Variants in CNTN5 observed in about 807,000 individuals in gnomAD.
CNTN5 encodes the protein contactin 5.
In CNTN5, 77 loss-of-function variants were observed where a neutral mutation model predicts 129.1. The ratio of observed to expected loss-of-function variants is 0.60; its 90% CI spans 0.50 to 0.72. CNTN5 has a LOEUF of 0.72. CNTN5 is among the 30% of genes least tolerant of loss of function. The pLI is 0.00. For missense variants in CNTN5, 1,478 were observed against 1,328.8 expected (o/e 1.11, Z -1.75); for synonymous variants, 509 against 465.6 (o/e 1.09, Z -1.20).
intron 1 of CNTN5, among the ~76,000 whole-genome samples, chr11:99,169,606 A>T (rs1420115770): frequency 1.3e-5 from 2 of 152,204 alleles, no homozygotes; most frequent in Non-Finnish European, 2.9e-5. Flanking sequence ...CTGTTGGATT[A>T]CCACTGTCTT....
intron 1 of CNTN5, among the ~76,000 whole-genome samples, chr11:99,277,258 T>C (rs1477689819): frequency 1.3e-5 from 2 of 151,734 alleles, no homozygotes; most frequent in African/African-American, 4.8e-5. Context: ...GGTTTTTCTC[T>C]AGTCTGTCAT....
chr11:99,820,443 A>G (rs117881536), intron 4 of CNTN5, among the ~76,000 whole-genome samples: 3,871 of 149,820 alleles, frequency 0.026, no homozygotes, highest in South Asian at 0.073. Context: ...GAAAAAATCT[A>G]TATATCCAAC....
At chr11:99,729,857 A>T (rs767302362) in intron 3 of CNTN5, among the ~76,000 whole-genome samples, 1 of 152,170 alleles carries the variant, frequency 6.6e-6, no homozygotes, top group South Asian at 2.1e-4. Context: ...ATGAGAACAC[A>T]TGGACACGGG....
chr11:100,338,739 G>A (rs1255825645), intron 21 of CNTN5, among the ~76,000 whole-genome samples: 1 of 152,156 alleles, frequency 6.6e-6, no homozygotes, highest in Non-Finnish European at 1.5e-5. Flanking sequence ...AGCCAGTTCA[G>A]CTGCTGGCAG....
chr11:99,286,095 T>G (rs1863930586), intron 1 of CNTN5, among the ~76,000 whole-genome samples: 1 of 151,926 alleles, frequency 6.6e-6, no homozygotes, highest in Admixed American at 6.6e-5. Flanking sequence ...TTCATATTTT[T>G]CCATTTACTT....
intron 3 of CNTN5, among the ~76,000 whole-genome samples, chr11:99,782,489 T>G (rs1945347639): frequency 6.6e-6 from 1 of 151,428 alleles, no homozygotes; most frequent in African/African-American, 2.4e-5. Flanking sequence ...TTCAAGTTCA[T>G]ATGGAACCAA....
intron 2 of CNTN5, among the ~76,000 whole-genome samples, chr11:99,478,191 T>C (rs1945455456): frequency 6.6e-6 from 1 of 152,152 alleles, no homozygotes; most frequent in Admixed American, 6.6e-5. Context: ...TCCTCCAGTC[T>C]CTCACAAGAC....
intron 1 of CNTN5, among the ~76,000 whole-genome samples, chr11:99,106,439 T>C (rs1190562390): frequency 6.6e-6 from 1 of 151,112 alleles, no homozygotes; most frequent in African/African-American, 2.5e-5. Context: ...TGTTACAGAC[T>C]ACATTAATTA....
At chr11:100,277,140 C>A (rs1248531409) in intron 18 of CNTN5, among the ~76,000 whole-genome samples, 4 of 152,176 alleles carry the variant, frequency 2.6e-5, no homozygotes, top group Non-Finnish European at 5.9e-5. Flanking sequence ...CATGTTGTTG[C>A]AAATGACAGG....
intron 2 of CNTN5, among the ~76,000 whole-genome samples, chr11:99,329,758 G>A (rs1865925746): frequency 6.6e-6 from 1 of 152,120 alleles, no homozygotes; most frequent in African/African-American, 2.4e-5. Flanking sequence ...ACTCTGTGCT[G>A]TAATATTTGC....
chr11:99,774,480 A>G (rs2135353010), intron 3 of CNTN5, among the ~76,000 whole-genome samples: 1 of 139,764 alleles, frequency 7.2e-6, no homozygotes, highest in East Asian at 2.3e-4. Context: ...TTTTTAAGAA[A>G]TTCATAGGAG....
At chr11:100,168,789 C>T (rs1947732863) in intron 13 of CNTN5, among the ~76,000 whole-genome samples, 1 of 151,824 alleles carries the variant, frequency 6.6e-6, no homozygotes, top group South Asian at 2.1e-4. Flanking sequence ...ATAGTAATTC[C>T]TCTGATGGAT....
At chr11:99,112,597 G>A (rs1050506384) in intron 1 of CNTN5, among the ~76,000 whole-genome samples, 1 of 151,994 alleles carries the variant, frequency 6.6e-6, no homozygotes, top group African/African-American at 2.4e-5. Flanking sequence ...CCACTCGCCT[G>A]AAAGCCTTAA....
At chr11:99,397,964 C>G (rs12802340) in intron 2 of CNTN5, among the ~76,000 whole-genome samples, 35,343 of 151,658 alleles carry the variant, frequency 0.23, 4,830 homozygotes, top group Middle Eastern at 0.34. Context: ...ACAAATATTG[C>G]TGTATTTCAC....
At chr11:100,287,326 T>G (rs1286161191) in intron 18 of CNTN5, among the ~76,000 whole-genome samples, 5 of 150,402 alleles carry the variant, frequency 3.3e-5, no homozygotes, top group South Asian at 4.2e-4. Flanking sequence ...AAAGTTGAAA[T>G]GAAGGAAAAA....
intron 1 of CNTN5, among the ~76,000 whole-genome samples, chr11:99,155,911 G>T (rs539617701): frequency 3.7e-4 from 56 of 152,146 alleles, no homozygotes; most frequent in African/African-American, 1.3e-3. Context: ...GAGGAAGAAC[G>T]ACTATATTAT....
intron 18 of CNTN5, among the ~76,000 whole-genome samples, chr11:100,286,230 AG>A (rs1219649899): frequency 6.6e-6 from 1 of 152,224 alleles, no homozygotes; most frequent in Non-Finnish European, 1.5e-5. Context: ...GCAGCAGGGA[AG>A]CTCCAACTGG....
chr11:99,093,786 G>A (rs964791227), intron 1 of CNTN5, among the ~76,000 whole-genome samples: 3 of 151,792 alleles, frequency 2.0e-5, no homozygotes, highest in Non-Finnish European at 4.4e-5. Flanking sequence ...CAAATGAGGC[G>A]AGTTAGGGAA....
intron 2 of CNTN5, among the ~76,000 whole-genome samples, chr11:99,485,252 AAGG>A (rs1282826560): frequency 1.3e-5 from 2 of 152,032 alleles, no homozygotes; most frequent in Admixed American, 1.3e-4. Context: ...TTAAAAAAAA[AAGG>A]GAAGTGATTT....
Sources: allele counts gnomAD v4.1 joint callset (sites outside exome capture counted in the v4.1 genomes callset), GRCh38; gene constraint gnomAD v4.1.1; transcripts MANE v1.5; gene names NCBI Gene and HGNC (gene_info 2026-07-23, HGNC 2026-07-21).